Variants in GRM7 observed in about 807,000 individuals in gnomAD.
GRM7 encodes the protein glutamate metabotropic receptor 7.
Under a neutral mutation model 84.5 loss-of-function variants are expected in GRM7, and 35 were observed. That is an observed-to-expected ratio of 0.41 (90% CI 0.32 to 0.55). The LOEUF is 0.55. GRM7 is among the 20% of genes least tolerant of loss of function. GRM7 has a pLI of 0.19. For synonymous variants in GRM7, 487 were observed against 455.1 expected, an observed-to-expected ratio of 1.07 and a Z score of -0.89; for missense variants, 1,003 against 1,194.6, an observed-to-expected ratio of 0.84 and a Z score of 2.36.
chr3:7,082,405 G>GT (rs1195356567), intron 1 of GRM7, among the ~76,000 whole-genome samples: 1 of 151,802 alleles, frequency 6.6e-6, no homozygotes, highest in Admixed American at 6.6e-5. Context: ...CTACTACTCG[G>GT]TAAAAAAAAA....
intron 7 of GRM7, among the ~76,000 whole-genome samples, chr3:7,517,374 AGT>A: frequency 6.6e-6 from 1 of 150,402 alleles, no homozygotes; most frequent in African/African-American, 2.5e-5. Context: ...TATTATTAGT[AGT>A]AGTAGTAGTA....
chr3:6,912,891 A>C (rs1436043881), intron 1 of GRM7, among the ~76,000 whole-genome samples: 4 of 152,336 alleles, frequency 2.6e-5, no homozygotes, highest in South Asian at 4.1e-4. Context: ...TGTGTTTCAT[A>C]AATTCAAGCT....
At chr3:7,077,432 T>C (rs1698127711) in intron 1 of GRM7, among the ~76,000 whole-genome samples, 1 of 152,072 alleles carries the variant, frequency 6.6e-6, no homozygotes, top group South Asian at 2.1e-4. Context: ...AGGACGTGGA[T>C]GAAGCTGGAA....
intron 4 of GRM7, among the ~76,000 whole-genome samples, chr3:7,390,657 A>G (rs748213049): frequency 2.6e-5 from 4 of 152,104 alleles, no homozygotes; most frequent in Admixed American, 1.3e-4. Flanking sequence ...AAGGCGTCCA[A>G]TTGTATTTTT....
At chr3:7,582,664 T>A (rs13080215) in intron 8 of GRM7, among the ~76,000 whole-genome samples, 18 of 151,918 alleles carry the variant, frequency 1.2e-4, no homozygotes, top group African/African-American at 4.3e-4. Context: ...CAGAACAAGG[T>A]TATATTACAA....
At chr3:7,679,348 A>G (rs1421273377) in intron 8 of GRM7, among the ~76,000 whole-genome samples, 1 of 152,172 alleles carries the variant, frequency 6.6e-6, no homozygotes, top group Non-Finnish European at 1.5e-5. Flanking sequence ...CAATTAGTCT[A>G]AAACAGTAGG....
chr3:7,253,760 G>T (rs1248461054), intron 2 of GRM7, among the ~76,000 whole-genome samples: 1 of 152,140 alleles, frequency 6.6e-6, no homozygotes, highest in Non-Finnish European at 1.5e-5. Context: ...GCTAGGGTAT[G>T]GTGTAGTAAG....
intron 7 of GRM7, among the ~76,000 whole-genome samples, chr3:7,487,968 G>C (rs968263102): frequency 6.6e-6 from 1 of 152,124 alleles, no homozygotes; most frequent in Non-Finnish European, 1.5e-5. Flanking sequence ...GGGAGGAGCT[G>C]TCTGATTCCT....
intron 1 of GRM7, among the ~76,000 whole-genome samples, chr3:6,979,606 T>C (rs1396810385): frequency 2.0e-5 from 3 of 152,204 alleles, no homozygotes; most frequent in East Asian, 3.8e-4. Context: ...AGAATAACAG[T>C]ACTTTTACAA....
intron 2 of GRM7, among the ~76,000 whole-genome samples, chr3:7,240,695 C>G (rs1697526374): frequency 6.6e-6 from 1 of 152,092 alleles, no homozygotes; most frequent in Admixed American, 6.6e-5. Flanking sequence ...CTGTCAATCC[C>G]TTCCCTCCCC....
intron 4 of GRM7, among the ~76,000 whole-genome samples, chr3:7,335,519 C>T (rs1007889606): frequency 2.0e-5 from 3 of 151,842 alleles, no homozygotes; most frequent in South Asian, 4.2e-4. Context: ...CAAGAACAAA[C>T]CAAAACCCAA....
At chr3:7,144,951 A>G (rs183667385) in intron 1 of GRM7, among the ~76,000 whole-genome samples, 1 of 152,300 alleles carries the variant, frequency 6.6e-6, no homozygotes, top group Admixed American at 6.5e-5. Flanking sequence ...TGCATGGAAA[A>G]TGGTGGGTCG....
At chr3:7,636,901 T>C (rs761121442) in intron 8 of GRM7, among the ~76,000 whole-genome samples, 1 of 93,840 alleles carries the variant, frequency 1.1e-5, no homozygotes, top group Non-Finnish European at 2.1e-5. Context: ...GCATTCTGTT[T>C]ACTAACATCA....
At chr3:7,664,660 AC>A (rs1308802535) in intron 8 of GRM7, among the ~76,000 whole-genome samples, 3 of 151,916 alleles carry the variant, frequency 2.0e-5, no homozygotes, top group African/African-American at 2.4e-5. Context: ...TCCCTCCCCA[AC>A]CCCCATGCCT....
chr3:6,988,019 C>T (rs1382413932), intron 1 of GRM7, among the ~76,000 whole-genome samples: 12 of 135,164 alleles, frequency 8.9e-5, no homozygotes, highest in African/African-American at 1.1e-4. Context: ...TTTTTTCAGA[C>T]GGAGTCTTGC....
rs368325842 is a variant in GRM7, at chr3:7,579,340, G to A, written c.2434G>A (p.Ala812Thr). 3.7e-5 allele frequency: 57 copies of A among 1,552,034 alleles called. No individual in the cohort carries two copies. Among genetic ancestry groups the A allele is most frequent in the African/African-American group, 1.2e-4 (9 of 73,034 alleles). Residue 812 changes from alanine to threonine, a missense_variant, in exon 8 of 10, where the codon GCT becomes ACT. This residue lies in a region of GRM7 where 910 missense variants were observed against 1,126.0 expected (regional missense o/e 0.81). Coordinates refer to ENST00000357716, the MANE Select transcript of GRM7 (RefSeq NM_000844.4). ...LAFIPIFFGTAQSAEKLYIQT... is the reference protein window; with the variant it reads ...LAFIPIFFGTTQSAEKLYIQT... Reference sequence around the variant, plus strand: ...CTTCATTCCAATTTTTTTTGGCACCGCTCAATCAGCGGAAAAGGTAAGTGA... The same window carrying A: ...CTTCATTCCAATTTTTTTTGGCACCACTCAATCAGCGGAAAAGGTAAGTGA...
intron 1 of GRM7, among the ~76,000 whole-genome samples, chr3:6,920,698 T>G (rs1476830914): frequency 6.6e-6 from 1 of 152,192 alleles, no homozygotes. Context: ...TCATTCACTC[T>G]AATACCCATG....
intron 7 of GRM7, among the ~76,000 whole-genome samples, chr3:7,500,016 T>C (rs183392811): frequency 4.2e-4 from 64 of 152,272 alleles, no homozygotes; most frequent in African/African-American, 1.5e-3. Flanking sequence ...CCTTGTGATC[T>C]ACCCGCCTTG....
chr3:7,010,595 C>A (rs1695337243), intron 1 of GRM7, among the ~76,000 whole-genome samples: 1 of 152,188 alleles, frequency 6.6e-6, no homozygotes, highest in South Asian at 2.1e-4. Flanking sequence ...GGTGATAAGA[C>A]ATTGAAGATG....
Sources: gnomAD v4.1 joint callset for allele counts (sites outside exome capture counted in the v4.1 genomes callset) on GRCh38, gnomAD v4.1.1 for gene constraint, gnomAD v4.1.1 regional missense constraint, MANE v1.5 for transcripts, NCBI Gene and HGNC (gene_info 2026-07-23, HGNC 2026-07-21) for gene names.